Variants in SGK2 observed in about 807,000 individuals in gnomAD.
SGK2 encodes serine/threonine-protein kinase Sgk2.
SGK2 carries 36 observed loss-of-function variants against 47.5 expected under a neutral mutation model. The ratio of observed to expected loss-of-function variants is 0.76; its 90% CI spans 0.58 to 1.00. The LOEUF is 1.00. Among genes scored for constraint, SGK2 ranks in the 50% least tolerant of loss-of-function variants. The pLI, the probability that SGK2 is intolerant of heterozygous loss-of-function variation, is 0.00. For missense variants in SGK2, 404 were observed against 467.4 expected, an observed-to-expected ratio of 0.86 and a Z score of 1.25; for synonymous variants, 157 against 181.9, an observed-to-expected ratio of 0.86 and a Z score of 1.10.
intron 2 of SGK2, 24 bp from the exon 3 acceptor site, chr20:43,567,044 G>A (rs757882244): frequency 6.2e-7 from 1 of 1,609,968 alleles, no homozygotes; most frequent in African/African-American, 1.3e-5. Context: ...GGGATCTGCT[G>A]ATCATAATCA....
chr20:43,564,025 C>T (rs1376684588), intron 1 of SGK2, among the ~76,000 whole-genome samples: 3 of 152,198 alleles, frequency 2.0e-5, no homozygotes, highest in African/African-American at 7.2e-5. Flanking sequence ...TGTAGCCACA[C>T]AGAAAGTTTG....
intron 8 of SGK2, among the ~76,000 whole-genome samples, 172 bp from the exon 9 acceptor site, chr20:43,571,879 C>A (rs1980156817): frequency 6.6e-6 from 1 of 152,208 alleles, no homozygotes; most frequent in African/African-American, 2.4e-5. Flanking sequence ...CCCTGTGCTG[C>A]TCCTGACATC....
intron 12 of SGK2, among the ~76,000 whole-genome samples, chr20:43,580,882 G>GT (rs1294977059): frequency 2.7e-5 from 4 of 150,212 alleles, no homozygotes; most frequent in Non-Finnish European, 4.4e-5. Flanking sequence ...GTTTTGTTTT[G>GT]TTTTTTTTCT....
At position 43,571,054 on chromosome 20, in the gene SGK2, C is replaced by T. The variant is rs1980080824; in HGVS notation, c.504C>T (p.Asp168=). 1 of 1,592,312 alleles carries T rather than the reference C, an allele frequency of 6.3e-7. No individual in the cohort carries two copies. The highest frequency in any genetic ancestry group is 8.5e-7 in the Non-Finnish European group (1 of 1,173,382). ...RDLKPENILL[D]CQGHVVLTDF... ...TGAAACCAGAGAACATTCTCTTGGACTGCCAGGTTGGTGTGTGTGTGTGTG... is the reference window on the plus strand; with the variant it reads ...TGAAACCAGAGAACATTCTCTTGGATTGCCAGGTTGGTGTGTGTGTGTGTG... Residue 168 remains aspartate, a synonymous_variant, in exon 8 of 13, where the codon GAC becomes GAT. Coordinates refer to ENST00000373100, the MANE Select transcript of SGK2 (RefSeq NM_170693.3).
At chr20:43,574,832 C>A in intron 9 of SGK2, 77 bp from the exon 10 acceptor site, 1 of 1,041,560 alleles carries the variant, frequency 9.6e-7, no homozygotes. Context: ...GGTCATCTTC[C>A]TCCAAGTGCC....
intron 12 of SGK2, among the ~76,000 whole-genome samples, chr20:43,580,467 A>C (rs149969458): frequency 0.027 from 4,096 of 152,224 alleles, 69 homozygotes; most frequent in Non-Finnish European, 0.037. Context: ...GTGGCTCACG[A>C]CTGTAGTATC....
intron 8 of SGK2, among the ~76,000 whole-genome samples, chr20:43,571,416 G>T (rs1423793186): frequency 6.6e-6 from 1 of 152,122 alleles, no homozygotes; most frequent in Non-Finnish European, 1.5e-5. Context: ...CACTTTTAAA[G>T]GGGTAAAAAA....
chr20:43,570,177 A>G (rs1980009569), intron 6 of SGK2, among the ~76,000 whole-genome samples: 1 of 152,198 alleles, frequency 6.6e-6, no homozygotes, highest in South Asian at 2.1e-4. Flanking sequence ...CCGTATCATC[A>G]TATCGCCTGG....
intron 12 of SGK2, among the ~76,000 whole-genome samples, chr20:43,580,758 T>C (rs919383847): frequency 4.7e-5 from 7 of 149,336 alleles, no homozygotes; most frequent in South Asian, 2.1e-4. Context: ...AGGGAATGTA[T>C]GTAAAACAGA....
chr20:43,562,948 C>A (rs962025070), intron 1 of SGK2, among the ~76,000 whole-genome samples: 1 of 152,006 alleles, frequency 6.6e-6, no homozygotes, highest in Non-Finnish European at 1.5e-5. Context: ...GCCTGGCCAA[C>A]ATGGCGAAAC....
chr20:43,571,597 C>G (rs933764891), intron 8 of SGK2, among the ~76,000 whole-genome samples: 6 of 151,986 alleles, frequency 3.9e-5, no homozygotes. Flanking sequence ...CTCCTAGGGA[C>G]GGGGCATAAC....
chr20:43,580,426 T>C (rs757427064), intron 12 of SGK2, among the ~76,000 whole-genome samples: 1 of 152,104 alleles, frequency 6.6e-6, no homozygotes, highest in Non-Finnish European at 1.5e-5. Flanking sequence ...TATATCCTTA[T>C]AAAAAGTATG....
intron 12 of SGK2, among the ~76,000 whole-genome samples, chr20:43,582,301 A>AC (rs879531791): frequency 6.6e-6 from 1 of 150,674 alleles, no homozygotes; most frequent in Non-Finnish European, 1.5e-5. Context: ...CAAGTGATCC[A>AC]CCCCCTCAGC....
At chr20:43,567,172 C>T in intron 3 of SGK2, 55 bp downstream of exon 3, 2 of 1,425,932 alleles carry the variant, frequency 1.4e-6, no homozygotes, top group Non-Finnish European at 2.0e-6. Flanking sequence ...ATACCTGGCT[C>T]CCCTTGCCTT....
At position 43,567,972 on chromosome 20, in the gene SGK2, GA is replaced by G. The variant is rs1979843419; in HGVS notation, c.206del (p.Lys69SerfsTer4). ...GAFYAVKVLQ[K>X]KSILKKKEQS... ...CGTTCTATGCAGTGAAGGTACTACAGAAAAAGTCCATCTTAAAGAAGAAAGA... is the reference window on the plus strand; with the variant it reads ...CGTTCTATGCAGTGAAGGTACTACAGAAAAGTCCATCTTAAAGAAGAAAGA... On this transcript the variant is annotated frameshift_variant, in exon 5 of 13. Coordinates refer to ENST00000373100, the MANE Select transcript of SGK2 (RefSeq NM_170693.3). LOFTEE classifies it high-confidence loss of function. 10 of 1,614,168 alleles carry G rather than the reference GA, an allele frequency of 6.2e-6. No homozygotes were observed. The South Asian group carries it at 9.9e-5, about 16-fold the overall frequency.
In SGK2 at chr20:43,572,720, T is replaced by C. The variant is rs750872419; in HGVS notation, c.597+583T>C. On this transcript the variant is annotated intron_variant, in intron 9 of 12. Transcript: ENST00000373100. The surrounding 1 kb of genome is among the most constrained non-coding windows in gnomAD (Gnocchi z 4.2). ...AAAGAAATTCAAACCACATAAACAC[T>C]TTAAAAACTTCCAGCAGCCACATTT... Among the ~76,000 whole-genome samples, 5 of 152,088 alleles carry C rather than the reference T, an allele frequency of 3.3e-5. No individual in the cohort carries two copies. Among genetic ancestry groups the C allele is most frequent in the Non-Finnish European group, 7.4e-5 (5 of 67,996 alleles).
At chr20:43,575,257 G>T (rs1266134468) in intron 10 of SGK2, among the ~76,000 whole-genome samples, 2 of 152,138 alleles carry the variant, frequency 1.3e-5, no homozygotes, top group Admixed American at 6.5e-5. Context: ...GAGGTCAGGA[G>T]TTCAAGACCA....
chr20:43,571,950 C>T (rs1005273136), intron 8 of SGK2, 101 bp from the exon 9 acceptor site: 12 of 769,456 alleles, frequency 1.6e-5, no homozygotes, highest in Non-Finnish European at 2.6e-5. Context: ...TCAGATCCCA[C>T]AGCTGCTGCC....
In SGK2 at chr20:43,572,113, A is replaced by T; in HGVS notation, c.573A>T (p.Thr191=). 1.3e-6 allele frequency: 2 copies of T among 1,549,636 alleles called. No individual in the cohort carries two copies. Among genetic ancestry groups the T allele is most frequent in the Non-Finnish European group, 1.7e-6 (2 of 1,145,514 alleles). Reference sequence around the variant, plus strand: ...AAGGTGTAGAGCCTGAAGACACCACATCCACATTCTGTGGTACCCCTGAGG... The same window carrying T: ...AAGGTGTAGAGCCTGAAGACACCACTTCCACATTCTGTGGTACCCCTGAGG... ...CKEGVEPEDT[T]STFCGTPEYL... The change falls in exon 9 of 13, where the codon ACA becomes ACT. Residue 191 remains threonine (T), a synonymous_variant. Coordinates refer to ENST00000373100, the MANE Select transcript of SGK2 (RefSeq NM_170693.3). This position sits in a 1 kb window ranked among gnomAD's most constrained non-coding sequence, Gnocchi z 4.2.
Sources: gnomAD v4.1 joint callset for allele counts (sites outside exome capture counted in the v4.1 genomes callset) on GRCh38, gnomAD v4.1.1 for gene constraint, Gnocchi (gnomAD v3.1) non-coding constraint, MANE v1.5 for transcripts, NCBI Gene and HGNC (gene_info 2026-07-23, HGNC 2026-07-21) for gene names.